SEMA4D: variants seen among roughly 807,000 people sequenced by gnomAD.
The protein encoded by SEMA4D is semaphorin-4D.
In SEMA4D, 22 loss-of-function variants were observed where a neutral mutation model predicts 74.8. The ratio of observed to expected loss-of-function variants is 0.29; its 90% CI spans 0.21 to 0.42. The LOEUF (loss-of-function observed/expected upper bound fraction) is 0.42, where lower values mean the gene tolerates loss of function less well. Ranked by LOEUF, SEMA4D falls within the 10% of genes least tolerant of loss-of-function variation. The probability of loss-of-function intolerance (pLI) is 1.00; values close to 1 mark genes in which losing one functional copy is unlikely to be tolerated. For synonymous variants in SEMA4D, 445 were observed against 463.7 expected, an observed-to-expected ratio of 0.96 and a Z score of 0.52; for missense variants, 937 against 1,118.4, an observed-to-expected ratio of 0.84 and a Z score of 2.31.
intron 2 of SEMA4D, among the ~76,000 whole-genome samples, chr9:89,444,358 G>A (rs1053466930): frequency 1.3e-5 from 2 of 152,066 alleles, no homozygotes; most frequent in African/African-American, 4.8e-5. Flanking sequence ...CTGCCATCAC[G>A]GCTCACAAAG....
chr9:89,456,633 C>T lies in SEMA4D; in HGVS notation c.-309-680G>A, dbSNP rs116777922. Among the ~76,000 whole-genome samples, 1,291 of 152,274 alleles carry T rather than the reference C, an allele frequency of 8.5e-3. 20 individuals are homozygous for T. The highest frequency in any genetic ancestry group is 0.029 in the African/African-American group (1,200 of 41,570). ...GAGACAGTCTGTCTCCAGGCTGGAG[C>T]GCAGCGGCACGATCTCAGCTCACTG... On this transcript the variant is annotated intron_variant, in intron 1 of 15. Coordinates refer to ENST00000422704, the MANE Select transcript of SEMA4D (RefSeq NM_001371194.2).
At chr9:89,361,589 A>G (rs1159955596) in exon 19 of SEMA4D, 2 of 152,262 alleles carry the variant, frequency 1.3e-5, no homozygotes, top group African/African-American at 4.8e-5. Context: ...CAAAACACTC[A>G]TGAGACTCAT....
chr9:89,363,760 C>G, exon 17 of SEMA4D: 2 of 1,613,298 alleles, frequency 1.2e-6, no homozygotes, highest in South Asian at 1.1e-5. Context: ...TCACAGCAAC[C>G]TGCACCTTCG....
At chr9:89,383,785 A>G (rs536855076) in intron 13 of SEMA4D, among the ~76,000 whole-genome samples, 1 of 152,282 alleles carries the variant, frequency 6.6e-6, no homozygotes, top group African/African-American at 2.4e-5. Context: ...TTAAAGGCAA[A>G]GAAAAAAAGC....
chr9:89,439,699 A>G (rs774462880), intron 2 of SEMA4D, among the ~76,000 whole-genome samples: 6 of 152,256 alleles, frequency 3.9e-5, no homozygotes, highest in Non-Finnish European at 8.8e-5. Flanking sequence ...TCTAAAGATC[A>G]TCGCAGCTGG....
At chr9:89,477,795 AAAT>A (rs1305040379) in intron 1 of SEMA4D, among the ~76,000 whole-genome samples, 1 of 152,220 alleles carries the variant, frequency 6.6e-6, no homozygotes, top group Admixed American at 6.5e-5. Flanking sequence ...AATGCCATTA[AAAT>A]AATGGAAAAG....
chr9:89,363,509 C>T (rs1250824143), exon 18 of SEMA4D: 8 of 1,613,994 alleles, frequency 5.0e-6, no homozygotes, highest in Non-Finnish European at 6.8e-6. Context: ...TCTGGTCCAC[C>T]TCTCCTGGTG....
intron 1 of SEMA4D, among the ~76,000 whole-genome samples, chr9:89,473,209 A>G (rs1288088170): frequency 2.0e-5 from 3 of 152,226 alleles, no homozygotes; most frequent in East Asian, 3.9e-4. Context: ...AAGTTGTGCT[A>G]TAACAACAAC....
chr9:89,481,958 C>G (rs1274369084), intron 1 of SEMA4D, among the ~76,000 whole-genome samples: 1 of 152,218 alleles, frequency 6.6e-6, no homozygotes, highest in Non-Finnish European at 1.5e-5. Flanking sequence ...ATGAAAACAG[C>G]AAACCTGGTG....
At chr9:89,479,290 C>A (rs563686964) in intron 1 of SEMA4D, among the ~76,000 whole-genome samples, 71 of 152,216 alleles carry the variant, frequency 4.7e-4, no homozygotes, top group Non-Finnish European at 7.6e-4. Flanking sequence ...AGGGGACAGA[C>A]ACCCTGCATC....
At chr9:89,410,587 C>A (rs938559157) in intron 2 of SEMA4D, among the ~76,000 whole-genome samples, 10 of 152,252 alleles carry the variant, frequency 6.6e-5, no homozygotes, top group Non-Finnish European at 1.3e-4. Context: ...AAAAGGGGAA[C>A]AGACAACTGG....
At chr9:89,442,484 G>T (rs1185654941) in intron 2 of SEMA4D, among the ~76,000 whole-genome samples, 1 of 152,160 alleles carries the variant, frequency 6.6e-6, no homozygotes, top group Non-Finnish European at 1.5e-5. Flanking sequence ...CATGTCAAAA[G>T]AGTGAGATGG....
intron 8 of SEMA4D, among the ~76,000 whole-genome samples, chr9:89,391,938 C>G (rs1839963267): frequency 6.6e-6 from 1 of 152,178 alleles, no homozygotes; most frequent in Admixed American, 6.5e-5. Context: ...AGAAAAGCCC[C>G]CATGAACAGC....
intron 2 of SEMA4D, among the ~76,000 whole-genome samples, chr9:89,424,119 C>G (rs1360382559): frequency 1.3e-5 from 2 of 151,942 alleles, no homozygotes; most frequent in African/African-American, 4.8e-5. Context: ...AGCAACTCCC[C>G]TCCCTCCACT....
At chr9:89,445,304 G>T (rs931184982) in intron 2 of SEMA4D, among the ~76,000 whole-genome samples, 1 of 152,192 alleles carries the variant, frequency 6.6e-6, no homozygotes, top group Non-Finnish European at 1.5e-5. Flanking sequence ...CATGGCCAGG[G>T]TATTCACGGA....
rs143504675 is a variant in SEMA4D, at chr9:89,420,549, G to A, written c.-243-14850C>T. Among the ~76,000 whole-genome samples the A allele has an allele frequency of 4.9e-4, 75 of 152,354 alleles. 1 individual carries two copies. In the East Asian group the frequency reaches 0.01, roughly 20 times the overall value. Reference sequence around the variant, plus strand: ...TGGGGCTCCAACGCCCAGGCCTTGCGAACAGGTATTTAGTGGTCGCTGATG... The same window carrying A: ...TGGGGCTCCAACGCCCAGGCCTTGCAAACAGGTATTTAGTGGTCGCTGATG... On this transcript the variant is annotated intron_variant, in intron 2 of 15. Coordinates refer to ENST00000422704, the MANE Select transcript of SEMA4D (RefSeq NM_001371194.2).
At chr9:89,491,059 C>CTG (rs34093395) in intron 1 of SEMA4D, among the ~76,000 whole-genome samples, 62,403 of 152,046 alleles carry the variant, frequency 0.41, 12,865 homozygotes, top group East Asian at 0.52. Context: ...ACTCAGTTAG[C>CTG]TGTGTTTGAA....
At position 89,405,672 on chromosome 9, in the gene SEMA4D, A is replaced by T; in HGVS notation, c.-216T>A. On this transcript the variant is annotated 5_prime_UTR_variant, in exon 3 of 16. It introduces an in-frame stop codon into an upstream open reading frame of the 5' UTR. Transcript: ENST00000422704. ...CCACCGCAATGTCAAAGCCCACTTG[A>T]TACTTCTTCAGGGCCTCAGAAGAAA... The T allele has an allele frequency of 1.4e-6, 2 of 1,413,574 alleles. No homozygotes were observed. The highest frequency in any genetic ancestry group is 1.8e-6 in the Non-Finnish European group (2 of 1,087,812). 87.6% of individuals were successfully genotyped at this position (1,413,574 alleles called of 1,614,324 possible).
chr9:89,392,814 A>G (rs1588260959), intron 7 of SEMA4D, among the ~76,000 whole-genome samples: 1 of 151,700 alleles, frequency 6.6e-6, no homozygotes, highest in Non-Finnish European at 1.5e-5. Context: ...TGCCACCTCC[A>G]CCTCCCAGTT....
Sources: allele counts gnomAD v4.1 joint callset (sites outside exome capture counted in the v4.1 genomes callset), GRCh38; gene constraint gnomAD v4.1.1; transcripts MANE v1.5; gene names NCBI Gene and HGNC (gene_info 2026-07-23, HGNC 2026-07-21).